The following KIF13B variants were observed in gnomAD, a reference collection of about 807,000 sequenced individuals.
KIF13B encodes kinesin family member 13B.
In KIF13B, 127 loss-of-function variants were observed where a neutral mutation model predicts 222.0. That is an observed-to-expected ratio of 0.57 (90% confidence interval 0.50 to 0.66). The LOEUF (loss-of-function observed/expected upper bound fraction) is 0.66. Ranked by LOEUF, KIF13B falls within the 30% of genes least tolerant of loss-of-function variation. KIF13B has a pLI of 0.00. For synonymous variants in KIF13B, 976 were observed against 919.0 expected, an observed-to-expected ratio of 1.06 and a Z score of -1.12; for missense variants, 2,173 against 2,379.0, an observed-to-expected ratio of 0.91 and a Z score of 1.80.
chr8:29,196,156 CA>C, intron 3 of KIF13B, 30 bp downstream of exon 3: 1 of 1,544,182 alleles, frequency 6.5e-7, no homozygotes, highest in Non-Finnish European at 8.8e-7. Context: ...AAGATCTTTA[CA>C]AGCATCACAT....
intron 2 of KIF13B, among the ~76,000 whole-genome samples, chr8:29,226,406 T>A (rs1193734402): frequency 6.6e-6 from 1 of 152,182 alleles, no homozygotes; most frequent in African/African-American, 2.4e-5. Context: ...AAAAGCTTTT[T>A]ACTGGGCGGG....
In KIF13B at chr8:29,087,632, G is replaced by A. The variant is rs148766666; in HGVS notation, c.4458+5113C>T. Reference sequence around the variant, plus strand: ...CAAGCCCACCCAAGCGCAGTTCCACGCTGCGTCGGTAGAGGCCACCATTTA... The same window carrying A: ...CAAGCCCACCCAAGCGCAGTTCCACACTGCGTCGGTAGAGGCCACCATTTA... On this transcript the variant is annotated intron_variant, in intron 37 of 39. Coordinates refer to ENST00000524189, the MANE Select transcript of KIF13B (RefSeq NM_015254.4). Among the ~76,000 whole-genome samples, 24 of 152,294 alleles carry A rather than the reference G, an allele frequency of 1.6e-4. No homozygotes were observed. The East Asian group carries it at 4.2e-3, about 27-fold the overall frequency.
chr8:29,263,151 G>T, upstream of KIF13B: 1 of 870,982 alleles, frequency 1.1e-6, no homozygotes, highest in Non-Finnish European at 1.7e-6. Context: ...ACCGGGCTGG[G>T]GGCGGGGCCG....
intron 1 of KIF13B, among the ~76,000 whole-genome samples, chr8:29,259,099 ATTCT>A (rs1316478527): frequency 6.6e-6 from 1 of 152,170 alleles, no homozygotes; most frequent in Non-Finnish European, 1.5e-5. Context: ...ACAGCTTTAC[ATTCT>A]TTTTCCACTA....
chr8:29,085,705 CTTTTTTTTTTTTTTT>C (rs71222589), intron 37 of KIF13B, among the ~76,000 whole-genome samples: 3 of 48,722 alleles, frequency 6.2e-5, no homozygotes, highest in African/African-American at 2.3e-4. Flanking sequence ...AAATACTCTT[CTTTTTTTTTTTTTTT>C]TTTTTTTTTT....
At chr8:29,258,887 A>G (rs903951356) in intron 1 of KIF13B, among the ~76,000 whole-genome samples, 5 of 152,172 alleles carry the variant, frequency 3.3e-5, no homozygotes, top group African/African-American at 4.8e-5. Context: ...CATGACAGTC[A>G]TTTCCTCACA....
intron 9 of KIF13B, 98 bp downstream of exon 9, chr8:29,177,368 A>C: frequency 2.2e-6 from 2 of 906,436 alleles, no homozygotes; most frequent in Non-Finnish European, 3.6e-6. Flanking sequence ...ATACCAGAAA[A>C]AAATTTCAAA....
At chr8:29,099,669 A>T (rs1808702700) in intron 35 of KIF13B, among the ~76,000 whole-genome samples, 1 of 152,036 alleles carries the variant, frequency 6.6e-6, no homozygotes. Flanking sequence ...ACCATGCCCG[A>T]TCAGCACTTT....
chr8:29,115,804 C>A (rs1809567232), intron 31 of KIF13B, among the ~76,000 whole-genome samples: 1 of 152,182 alleles, frequency 6.6e-6, no homozygotes, highest in Non-Finnish European at 1.5e-5. Flanking sequence ...ACTCTCTCTG[C>A]ATGTGTATTT....
intron 18 of KIF13B, chr8:29,145,805 C>CA (rs11371242): frequency 0.7 from 88,524 of 127,070 alleles, 29,974 homozygotes; most frequent in Middle Eastern, 0.73. Context: ...AAAAGAACCT[C>CA]AAAAAAAAAA....
intron 18 of KIF13B, among the ~76,000 whole-genome samples, chr8:29,144,873 G>A (rs1302376600): frequency 2.0e-5 from 3 of 152,182 alleles, no homozygotes; most frequent in Admixed American, 2.0e-4. Context: ...GATGCCAGGC[G>A]ACATGAGTTC....
In KIF13B at chr8:29,115,574, C is replaced by CCTCG. The variant is rs150408579; in HGVS notation, c.3837+1253_3837+1256dup. Among the ~76,000 whole-genome samples the CCTCG allele has an allele frequency of 1.6e-4, 24 of 152,266 alleles. No individual in the cohort carries two copies. The East Asian group carries it at 4.3e-3, about 27-fold the overall frequency. ...CTCCCGACCTCAGGTGAGCCACCTG[C>CCTCG]CTCGGCCTCCCAAAGTGTTGGGATT... On this transcript the variant is annotated intron_variant, in intron 31 of 39. Transcript: ENST00000524189.
At chr8:29,088,121 C>T (rs1006234091) in intron 37 of KIF13B, among the ~76,000 whole-genome samples, 3 of 151,830 alleles carry the variant, frequency 2.0e-5, no homozygotes, top group African/African-American at 4.8e-5. Context: ...CAAAAATTTG[C>T]GGGGCATGGT....
chr8:29,174,342 T>C (rs1812389288), intron 10 of KIF13B, among the ~76,000 whole-genome samples: 2 of 152,186 alleles, frequency 1.3e-5, no homozygotes, highest in Non-Finnish European at 2.9e-5. Context: ...AGTTTGCTTG[T>C]TTTTCTAATT....
rs147936822 is a variant in KIF13B at position 29,078,733 on chromosome 8, G to A, written c.4459-3390C>T. Among the ~76,000 whole-genome samples the A allele has an allele frequency of 3.3e-3, 507 of 152,280 alleles. 5 individuals carry two copies. Among genetic ancestry groups the A allele is most frequent in the African/African-American group, 0.011 (471 of 41,552 alleles). ...ATCTACATTTCACACTACAGAAACC[G>A]AGGCTCAGAGAGCGTTTACCTAATG... is the stretch of plus-strand genomic sequence containing the variant. On this transcript the variant is annotated intron_variant, in intron 37 of 39. Coordinates refer to ENST00000524189, the MANE Select transcript of KIF13B (RefSeq NM_015254.4).
intron 10 of KIF13B, among the ~76,000 whole-genome samples, chr8:29,169,685 C>G (rs1434995291): frequency 1.3e-5 from 2 of 152,188 alleles, no homozygotes; most frequent in African/African-American, 4.8e-5. Context: ...TGACTGTTTG[C>G]TTTGCTCTTC....
chr8:29,123,284 C>A (rs762704957), intron 28 of KIF13B, 82 bp downstream of exon 28: 3 of 1,523,160 alleles, frequency 2.0e-6, no homozygotes, highest in African/African-American at 2.7e-5. Flanking sequence ...TTCCATTAAC[C>A]GTAGCACACG....
intron 10 of KIF13B, among the ~76,000 whole-genome samples, chr8:29,172,413 G>C (rs1812286697): frequency 2.0e-5 from 3 of 152,070 alleles, no homozygotes; most frequent in South Asian, 2.1e-4. Context: ...AAAAGATAAT[G>C]ACAAATATTC....
At chr8:29,221,680 G>C (rs1814759130) in intron 2 of KIF13B, among the ~76,000 whole-genome samples, 1 of 152,042 alleles carries the variant, frequency 6.6e-6, no homozygotes, top group Non-Finnish European at 1.5e-5. Context: ...TTGCTCGTGT[G>C]CCCCAAAAGA....
Sources: gnomAD v4.1 joint callset for allele counts (sites outside exome capture counted in the v4.1 genomes callset) on GRCh38, gnomAD v4.1.1 for gene constraint, MANE v1.5 for transcripts, NCBI Gene and HGNC (gene_info 2026-07-23, HGNC 2026-07-21) for gene names.